LRPPRC: variants seen among roughly 807,000 people sequenced by gnomAD.
LRPPRC encodes leucine rich pentatricopeptide repeat containing.
Under a neutral mutation model 180.3 loss-of-function variants are expected in LRPPRC, and 120 were observed. The observed-to-expected ratio is 0.67, with a 90% CI of 0.57 to 0.77. LRPPRC has a LOEUF of 0.77. Ranked by LOEUF, LRPPRC falls within the 30% of genes least tolerant of loss-of-function variation. The probability of loss-of-function intolerance (pLI) is 0.00; values close to 1 mark genes in which losing one functional copy is unlikely to be tolerated. For missense variants in LRPPRC, 2,012 were observed against 1,657.2 expected (o/e 1.21, Z -3.72); for synonymous variants, 723 against 600.0 (o/e 1.21, Z -3.00).
intron 27 of LRPPRC, among the ~76,000 whole-genome samples, chr2:43,921,097 G>A (rs1405015985): frequency 6.6e-6 from 1 of 152,106 alleles, no homozygotes; most frequent in Non-Finnish European, 1.5e-5. Flanking sequence ...TTCGAGACCA[G>A]CCTGGACAAC....
intron 36 of LRPPRC, chr2:43,890,111 A>T: frequency 1.8e-6 from 1 of 563,068 alleles, no homozygotes; most frequent in South Asian, 2.1e-5. Flanking sequence ...GCTACATTTA[A>T]AGGACTTTAG....
At chr2:43,963,426 G>C in intron 12 of LRPPRC, 162 bp downstream of exon 12, 1 of 659,358 alleles carries the variant, frequency 1.5e-6, no homozygotes, top group Non-Finnish European at 2.7e-6. Context: ...CCTGGGCAAT[G>C]AGAGAGAAAC....
chr2:43,963,091 T>C (rs1383063530), intron 12 of LRPPRC, among the ~76,000 whole-genome samples: 1 of 152,204 alleles, frequency 6.6e-6, no homozygotes, highest in African/African-American at 2.4e-5. Context: ...TCTTTTTGAG[T>C]TTTGAAAGTT....
Position 43,933,237 on chromosome 2 carries a change from G to A in LRPPRC, c.2736+953C>T, listed in dbSNP as rs556158687. On this transcript the variant is annotated intron_variant, in intron 25 of 37. Transcript: ENST00000260665. ...CAGTCCTCCTTTTCTATACTACACC[G>A]TTCTCTTCTTCAAAAAACATCAGGA... Among the ~76,000 whole-genome samples the A allele has an allele frequency of 3.4e-4, 52 of 152,122 alleles. No homozygotes were observed. In the South Asian group the frequency reaches 1.0e-2, roughly 29 times the overall value.
chr2:43,947,084 A>C (rs1393468007), intron 20 of LRPPRC, among the ~76,000 whole-genome samples, 173 bp downstream of exon 20: 2 of 152,076 alleles, frequency 1.3e-5, no homozygotes, highest in African/African-American at 4.8e-5. Context: ...CAACCAGAAA[A>C]CATGCCATTC....
In LRPPRC at chr2:43,974,550, A is replaced by G. The variant is rs2103714562; in HGVS notation, c.1009+64T>C. The G allele has an allele frequency of 1.1e-5, 13 of 1,164,760 alleles. No homozygotes were observed. The East Asian group carries it at 1.5e-4, about 14-fold the overall frequency. The allele number at this position is 1,164,760 out of a possible 1,614,324, so 72.2% of individuals were successfully genotyped here. Reference sequence around the variant, plus strand: ...CCCATTGTTAGAAAATGTCCTTTCCATCATGTAAGAATAGCAATTCAGATT... The same window carrying G: ...CCCATTGTTAGAAAATGTCCTTTCCGTCATGTAAGAATAGCAATTCAGATT... On this transcript the variant is annotated intron_variant, in intron 8 of 37. Coordinates refer to ENST00000260665, the MANE Select transcript of LRPPRC (RefSeq NM_133259.4).
Position 43,886,916 on chromosome 2 carries a change from G to T in LRPPRC, c.*1684C>A, listed in dbSNP as rs190524585. 1.1e-3 allele frequency: 174 copies of T among 152,242 alleles called. 3 individuals carry two copies. The highest frequency in any genetic ancestry group is 1.8e-3 in the Non-Finnish European group (126 of 68,138). The allele number at this position is 152,242 out of a possible 1,614,324, so 9.4% of individuals were successfully genotyped here. ...AGCACTTTGGGAGGCTGAAGCGAGC[G>T]CAGGGGGAGGATCACTTGGGGCCAG... On this transcript the variant is annotated 3_prime_UTR_variant, in exon 38 of 38. Transcript: ENST00000260665.
At chr2:43,892,195 T>C (rs557656495) in intron 36 of LRPPRC, among the ~76,000 whole-genome samples, 26 of 152,310 alleles carry the variant, frequency 1.7e-4, no homozygotes, top group Middle Eastern at 3.4e-3. Flanking sequence ...GCGGCTACAC[T>C]AAACAACAGA....
intron 31 of LRPPRC, chr2:43,901,948 A>C (rs1007540510): frequency 6.1e-6 from 1 of 163,732 alleles, no homozygotes; most frequent in Non-Finnish European, 1.3e-5. Context: ...TAATATCCCA[A>C]CAATTCTTTC....
intron 11 of LRPPRC, 173 bp from the exon 12 acceptor site, chr2:43,963,879 ACTC>A (rs1186067601): frequency 3.2e-6 from 2 of 627,352 alleles, no homozygotes; most frequent in Admixed American, 2.8e-5. Context: ...AAAAAAATTA[ACTC>A]CTCCTTTCTT....
chr2:43,901,588 A>C lies in LRPPRC; in HGVS notation c.3365-64T>G. On this transcript the variant is annotated intron_variant, in intron 31 of 37. Transcript: ENST00000260665. ...CCTGTGCTGACTTTAATGCATTTTG[A>C]AAACCAGCTTTTAAATATGAGCACC... is the stretch of plus-strand genomic sequence containing the variant. 4.9e-6 allele frequency: 5 copies of C among 1,020,988 alleles called. No individual in the cohort carries two copies. The South Asian group carries it at 6.4e-5, about 13-fold the overall frequency. 63.2% of individuals were successfully genotyped at this position (1,020,988 alleles called of 1,614,324 possible). A position where few individuals can be genotyped will look rare whatever the true frequency, so the allele number is the denominator to read the frequency against.
chr2:43,940,174 T>G (rs1672428231), intron 23 of LRPPRC, among the ~76,000 whole-genome samples: 1 of 152,220 alleles, frequency 6.6e-6, no homozygotes, highest in Non-Finnish European at 1.5e-5. Context: ...CCTTTGGCAC[T>G]GATGATGCTA....
At chr2:43,974,962 T>C (rs1012118948) in intron 7 of LRPPRC, 129 bp downstream of exon 7, 1 of 1,035,548 alleles carries the variant, frequency 9.7e-7, no homozygotes. Flanking sequence ...TAATTCTCCA[T>C]AAATACTACT....
chr2:43,980,570 A>G (rs995760773), intron 2 of LRPPRC, among the ~76,000 whole-genome samples: 2 of 87,144 alleles, frequency 2.3e-5, no homozygotes, highest in Non-Finnish European at 4.6e-5. Flanking sequence ...AAAAAAAAAA[A>G]GAAGAAAGAA....
At chr2:43,971,705 G>C (rs1337006919) in intron 11 of LRPPRC, among the ~76,000 whole-genome samples, 1 of 151,738 alleles carries the variant, frequency 6.6e-6, no homozygotes, top group African/African-American at 2.4e-5. Context: ...TTTTATACGT[G>C]ACTTTCACTG....
At chr2:43,917,292 G>A (rs1480925953) in intron 29 of LRPPRC, among the ~76,000 whole-genome samples, 1 of 151,636 alleles carries the variant, frequency 6.6e-6, no homozygotes, top group African/African-American at 2.4e-5. Context: ...GCCAGCTTTG[G>A]GAGGCTGAAG....
chr2:43,921,964 T>G (rs1028896520), intron 27 of LRPPRC, among the ~76,000 whole-genome samples: 7 of 152,220 alleles, frequency 4.6e-5, no homozygotes, highest in African/African-American at 1.7e-4. Flanking sequence ...ACAAAGAAAC[T>G]AATTTCTACT....
At chr2:43,923,862 A>G (rs1270212809) in intron 27 of LRPPRC, among the ~76,000 whole-genome samples, 2 of 152,208 alleles carry the variant, frequency 1.3e-5, no homozygotes, top group African/African-American at 2.4e-5. Flanking sequence ...AAGTAGGTAG[A>G]GTGGAATGTT....
At chr2:43,910,534 C>T (rs1558921045) in intron 30 of LRPPRC, among the ~76,000 whole-genome samples, 1 of 152,158 alleles carries the variant, frequency 6.6e-6, no homozygotes, top group Non-Finnish European at 1.5e-5. Flanking sequence ...CGTGCCTGGG[C>T]TTAAATCTCT....
Sources: allele counts gnomAD v4.1 joint callset (sites outside exome capture counted in the v4.1 genomes callset), GRCh38; gene constraint gnomAD v4.1.1; transcripts MANE v1.5; gene names NCBI Gene and HGNC (gene_info 2026-07-23, HGNC 2026-07-21).